MAP2: variants seen among roughly 807,000 people sequenced by gnomAD.
MAP2 encodes microtubule-associated protein 2.
MAP2 carries 14 observed loss-of-function variants against 137.6 expected under a neutral mutation model. That is an observed-to-expected ratio of 0.10 (90% CI 0.07 to 0.16). The LOEUF (loss-of-function observed/expected upper bound fraction) is 0.16. Among genes scored for constraint, MAP2 ranks in the 10% least tolerant of loss-of-function variants. The pLI is 1.00. For missense variants in MAP2, 2,088 were observed against 2,191.5 expected (o/e 0.95, Z 0.94); for synonymous variants, 786 against 782.3 (o/e 1.00, Z -0.08).
At chr2:209,707,585 GCA>G (rs149636184) in intron 12 of MAP2, among the ~76,000 whole-genome samples, 15,607 of 152,088 alleles carry the variant, frequency 0.1, 940 homozygotes, top group East Asian at 0.23. Flanking sequence ...ATAAATAAAA[GCA>G]CAGTTTAATC....
rs1364546799 is a variant in MAP2 at position 209,426,387 on chromosome 2, A to G, written c.-222+2111A>G. ...CTTATTTTTTTCCCTTTTCTAATCA[A>G]ATAACCTGTTTCTTTATGGCTGCTT... is the stretch of plus-strand genomic sequence containing the variant. On this transcript the variant is annotated intron_variant, in intron 1 of 15. Transcript: ENST00000682079. Among the ~76,000 whole-genome samples, 4 of 152,076 alleles carry G rather than the reference A, an allele frequency of 2.6e-5. No homozygotes were observed. The East Asian group carries it at 7.7e-4, about 29-fold the overall frequency.
chr2:209,607,879 C>A (rs910597526), intron 3 of MAP2, among the ~76,000 whole-genome samples: 38 of 152,202 alleles, frequency 2.5e-4, no homozygotes, highest in Admixed American at 3.3e-4. Flanking sequence ...CTACCACTTT[C>A]TTATTCCTTT....
chr2:209,491,950 C>T (rs773651756), intron 1 of MAP2, among the ~76,000 whole-genome samples: 1 of 152,178 alleles, frequency 6.6e-6, no homozygotes, highest in Admixed American at 6.5e-5. Flanking sequence ...TTTTATGAGG[C>T]CAGCATCATC....
intron 2 of MAP2, among the ~76,000 whole-genome samples, chr2:209,543,532 A>C (rs960139696): frequency 7.9e-5 from 12 of 152,220 alleles, no homozygotes; most frequent in Non-Finnish European, 1.3e-4. Flanking sequence ...AAAATGAGGC[A>C]TACTCAGATA....
At chr2:209,727,983 A>G (rs1011948916) in intron 14 of MAP2, among the ~76,000 whole-genome samples, 3 of 152,140 alleles carry the variant, frequency 2.0e-5, no homozygotes, top group Non-Finnish European at 4.4e-5. Context: ...TAAGAATAAA[A>G]ATAAGCTGAG....
At chr2:209,446,897 A>G (rs1699194270) in intron 1 of MAP2, among the ~76,000 whole-genome samples, 1 of 151,872 alleles carries the variant, frequency 6.6e-6, no homozygotes, top group African/African-American at 2.4e-5. Flanking sequence ...TAGTTTTCCA[A>G]AACTTCAGAG....
intron 2 of MAP2, among the ~76,000 whole-genome samples, chr2:209,562,897 T>G (rs16843097): frequency 0.02 from 3,011 of 152,294 alleles, 96 homozygotes; most frequent in African/African-American, 0.068. Context: ...TTTGAAAAAT[T>G]GAATCATTAA....
At chr2:209,558,853 T>A (rs762211131) in intron 2 of MAP2, among the ~76,000 whole-genome samples, 1 of 152,046 alleles carries the variant, frequency 6.6e-6, no homozygotes, top group Non-Finnish European at 1.5e-5. Flanking sequence ...AAGTTCTTAT[T>A]TGCTTACTGA....
Position 209,438,569 on chromosome 2 carries a change from T to G in MAP2, c.-222+14293T>G, listed in dbSNP as rs181631650. On this transcript the variant is annotated intron_variant, in intron 1 of 15. Coordinates refer to ENST00000682079, the MANE Select transcript of MAP2 (RefSeq NM_001375505.1). The stretch of plus-strand genomic sequence containing the variant: ...TGCAGTTGCCTTTCTCAAAATATTA[T>G]GCACCTTCTTAAACCTGCAGAGAAG... Among the ~76,000 whole-genome samples the G allele has an allele frequency of 3.1e-3, 469 of 151,748 alleles. 2 individuals carry two copies. The highest frequency in any genetic ancestry group is 0.011 in the African/African-American group (438 of 41,490).
rs1241839500 is a variant in MAP2, at chr2:209,554,776, AT to A, written c.-171-25259del. On this transcript the variant is annotated intron_variant, in intron 2 of 15. Transcript: ENST00000682079. ...AAAAAAATTAAAATTAAAAAATAAA[AT>A]AAAAGCTCGTTTTGGGACTAAAATT... 5.3e-5 allele frequency among the ~76,000 whole-genome samples: 8 copies of A among 151,870 alleles called. No individual in the cohort carries two copies. The South Asian group carries it at 1.5e-3, about 28-fold the overall frequency.
intron 13 of MAP2, among the ~76,000 whole-genome samples, chr2:209,724,615 T>G (rs2073102961): frequency 6.6e-6 from 1 of 151,840 alleles, no homozygotes; most frequent in Non-Finnish European, 1.5e-5. Flanking sequence ...GAGAAGCAAG[T>G]GCCTTCTACA....
intron 5 of MAP2, among the ~76,000 whole-genome samples, chr2:209,668,373 A>G (rs371543436): frequency 2.0e-5 from 3 of 152,096 alleles, no homozygotes; most frequent in East Asian, 3.9e-4. Context: ...CCCCAGAGAT[A>G]TTTTCTAAAG....
At chr2:209,590,906 T>C (rs2153430275) in intron 3 of MAP2, among the ~76,000 whole-genome samples, 1 of 152,312 alleles carries the variant, frequency 6.6e-6, no homozygotes, top group Admixed American at 6.5e-5. Context: ...ATGGTCATTA[T>C]TACAATTAGA....
At chr2:209,429,681 C>G (rs1303411225) in intron 1 of MAP2, among the ~76,000 whole-genome samples, 3 of 152,046 alleles carry the variant, frequency 2.0e-5, no homozygotes, top group Non-Finnish European at 4.4e-5. Flanking sequence ...ACAGTTAAAG[C>G]AAACTCACAA....
intron 4 of MAP2, among the ~76,000 whole-genome samples, chr2:209,629,265 A>T (rs1411265108): frequency 1.3e-5 from 2 of 152,156 alleles, no homozygotes; most frequent in East Asian, 3.8e-4. Flanking sequence ...TTCAGAATAG[A>T]TTTATATCTC....
At chr2:209,690,733 G>A (rs1016749993) in intron 7 of MAP2, 57 of 1,289,784 alleles carry the variant, frequency 4.4e-5, no homozygotes, top group East Asian at 1.1e-4. Context: ...AGTCTAGTGC[G>A]GAGGCCCAAA....
At chr2:209,490,302 G>A (rs562063442) in intron 1 of MAP2, among the ~76,000 whole-genome samples, 5 of 152,074 alleles carry the variant, frequency 3.3e-5, no homozygotes, top group African/African-American at 7.2e-5. Context: ...AGGAAAAACC[G>A]GTACCAGACA....
chr2:209,502,088 T>C (rs1441327200), intron 1 of MAP2, among the ~76,000 whole-genome samples: 8 of 152,212 alleles, frequency 5.3e-5, no homozygotes, highest in Admixed American at 6.5e-5. Context: ...CACACACTTA[T>C]TGTTTTAAAA....
chr2:209,590,027 G>T (rs17733579), intron 3 of MAP2, among the ~76,000 whole-genome samples: 2 of 151,858 alleles, frequency 1.3e-5, no homozygotes, highest in East Asian at 1.9e-4. Context: ...CAAGGTGGAG[G>T]TTAGGTGTCC....
Sources: allele counts gnomAD v4.1 joint callset (sites outside exome capture counted in the v4.1 genomes callset), GRCh38; gene constraint gnomAD v4.1.1; transcripts MANE v1.5; gene names NCBI Gene and HGNC (gene_info 2026-07-23, HGNC 2026-07-21).